NCOA3: variants seen among roughly 807,000 people sequenced by gnomAD.
The protein encoded by NCOA3 is nuclear receptor coactivator 3.
Under a neutral mutation model 158.8 loss-of-function variants are expected in NCOA3, and 51 were observed. The observed-to-expected ratio is 0.32, with a 90% CI of 0.26 to 0.41. The LOEUF is 0.41. NCOA3 is among the 10% of genes least tolerant of loss of function. The pLI, the probability that NCOA3 is intolerant of heterozygous loss-of-function variation, is 1.00. For missense variants in NCOA3, 1,510 were observed against 1,746.6 expected (o/e 0.86, Z 2.41); for synonymous variants, 537 against 592.4 (o/e 0.91, Z 1.36).
rs371717096 is a variant in NCOA3 at position 47,628,007 on chromosome 20, C to T, written c.807C>T (p.Thr269=). The change falls in exon 8 of 23, where the codon ACC becomes ACT. Residue 269 remains threonine, a synonymous_variant. Coordinates refer to ENST00000371998, the MANE Select transcript of NCOA3 (RefSeq NM_181659.3). ...CATCAAACCCTGAGAGCTTTATTAC[C>T]AGACATGATCTTTCAGGTAAAAACT... is the stretch of plus-strand genomic sequence containing the variant. The part of the protein sequence containing the change: ...TFPSNPESFI[T]RHDLSGKVVN... The T allele has an allele frequency of 3.1e-6, 5 of 1,612,862 alleles. No homozygotes were observed. In the African/African-American group the frequency reaches 6.7e-5, roughly 22 times the overall value.
At chr20:47,598,740 G>C (rs1271028430) in intron 2 of NCOA3, among the ~76,000 whole-genome samples, 2 of 152,200 alleles carry the variant, frequency 1.3e-5, no homozygotes, top group African/African-American at 4.8e-5. Flanking sequence ...CATAGTAGCA[G>C]AACAACAACT....
intron 1 of NCOA3, among the ~76,000 whole-genome samples, chr20:47,526,497 G>A (rs370357563): frequency 2.6e-5 from 4 of 152,340 alleles, no homozygotes; most frequent in East Asian, 1.9e-4. Context: ...ACGAGACTCC[G>A]TCTGCAATCC....
intron 1 of NCOA3, among the ~76,000 whole-genome samples, chr20:47,572,257 T>C (rs960610239): frequency 4.6e-5 from 7 of 152,194 alleles, no homozygotes; most frequent in African/African-American, 1.4e-4. Context: ...CCTGTGTTTA[T>C]TGGAGTAGCA....
intron 1 of NCOA3, among the ~76,000 whole-genome samples, chr20:47,534,829 C>T (rs974224100): frequency 7.2e-5 from 11 of 151,864 alleles, no homozygotes; most frequent in East Asian, 1.9e-4. Flanking sequence ...GTGGGAGGAT[C>T]GGTTGAGCCT....
At position 47,625,439 on chromosome 20, in the gene NCOA3, G is replaced by A. The variant is rs2086306518; in HGVS notation, c.315G>A (p.Gln105=). The A allele has an allele frequency of 6.2e-7, 1 of 1,613,596 alleles. No homozygotes were observed. Among genetic ancestry groups the A allele is most frequent in the Admixed American group, 1.7e-5 (1 of 59,972 alleles). ...VQKADVSSTG[Q]GVIDKDSLGP... ...AAGCCGATGTATCTTCTACAGGGCA[G>A]GGAGTTATTGATAAAGACTCCTTAG... Residue 105 remains glutamine, a synonymous_variant, in exon 5 of 23, where the codon CAG becomes CAA. Transcript: ENST00000371998.
intron 1 of NCOA3, among the ~76,000 whole-genome samples, chr20:47,517,069 T>C (rs2084245376): frequency 6.6e-6 from 1 of 152,012 alleles, no homozygotes; most frequent in South Asian, 2.1e-4. Flanking sequence ...AATACAAAAA[T>C]TAGCCAGTCG....
intron 17 of NCOA3, among the ~76,000 whole-genome samples, chr20:47,646,363 T>A (rs926251623): frequency 6.6e-6 from 1 of 152,220 alleles, no homozygotes; most frequent in African/African-American, 2.4e-5. Flanking sequence ...GAACCATGGA[T>A]ATGGAGGGCC....
At chr20:47,571,810 C>T (rs967139753) in intron 1 of NCOA3, among the ~76,000 whole-genome samples, 13 of 152,122 alleles carry the variant, frequency 8.5e-5, no homozygotes, top group Non-Finnish European at 1.5e-4. Context: ...TTAATGCAAC[C>T]TCTGCCTCCA....
At chr20:47,552,098 A>ATACT (rs2084935448) in intron 1 of NCOA3, among the ~76,000 whole-genome samples, 1 of 152,300 alleles carries the variant, frequency 6.6e-6, no homozygotes, top group East Asian at 1.9e-4. Context: ...ATAGCCCTGA[A>ATACT]TACTTGGATT....
intron 17 of NCOA3, among the ~76,000 whole-genome samples, chr20:47,644,005 AC>A (rs1400634542): frequency 2.0e-5 from 3 of 151,576 alleles, no homozygotes; most frequent in East Asian, 3.9e-4. Context: ...TCTGCTGTGT[AC>A]TAGATACACT....
At chr20:47,653,205 A>G in intron 22 of NCOA3, 133 bp downstream of exon 22, 1 of 1,282,858 alleles carries the variant, frequency 7.8e-7, no homozygotes, top group Admixed American at 2.7e-5. Flanking sequence ...AGTAATTGAA[A>G]AAACTTGGTT....
chr20:47,620,430 G>A (rs995302197), intron 2 of NCOA3, among the ~76,000 whole-genome samples: 4 of 152,116 alleles, frequency 2.6e-5, no homozygotes, highest in African/African-American at 9.7e-5. Flanking sequence ...AATCAAAACC[G>A]AACATACCTT....
At chr20:47,524,061 T>C (rs1031378877) in intron 1 of NCOA3, among the ~76,000 whole-genome samples, 2 of 152,242 alleles carry the variant, frequency 1.3e-5, no homozygotes, top group Non-Finnish European at 2.9e-5. Flanking sequence ...AGGAACCGAA[T>C]GGTCATTTTC....
chr20:47,623,793 G>GGAA, intron 3 of NCOA3, 118 bp from the exon 4 acceptor site: 22 of 802,952 alleles, frequency 2.7e-5, no homozygotes, highest in Non-Finnish European at 2.9e-5. Flanking sequence ...CTGTCTCGAG[G>GGAA]AAAAAAAAAA....
chr20:47,642,068 C>T, intron 16 of NCOA3, 145 bp from the exon 17 acceptor site: 1 of 650,422 alleles, frequency 1.5e-6, no homozygotes, highest in Non-Finnish European at 2.5e-6. Flanking sequence ...TGATGCCATT[C>T]ACTCTTTTTT....
intron 2 of NCOA3, among the ~76,000 whole-genome samples, chr20:47,620,135 CAG>C (rs2086213213): frequency 6.6e-6 from 1 of 151,780 alleles, no homozygotes; most frequent in Non-Finnish European, 1.5e-5. Context: ...TTTTAAGAGA[CAG>C]AGTCTCACTC....
rs3830810 is a variant in NCOA3, at chr20:47,651,070, TGCAGCA to T, written c.3756_3761del (p.Gln1275_Gln1276del). On this transcript the variant is annotated inframe_deletion, in exon 20 of 23. Coordinates refer to ENST00000371998, the MANE Select transcript of NCOA3 (RefSeq NM_181659.3). ...CGACAACAGAGGGTGGCTATGATGATGCAGCAGCAGCAGCAGCAGCAACAGCAGCAG... is the reference window on the plus strand; with the variant it reads ...CGACAACAGAGGGTGGCTATGATGATGCAGCAGCAGCAGCAACAGCAGCAG... The T allele has an allele frequency of 3.8e-5, 61 of 1,605,556 alleles. No individual in the cohort carries two copies. In the Middle Eastern group the frequency reaches 5.0e-4, roughly 13 times the overall value.
chr20:47,596,866 A>C (rs2146251903), intron 2 of NCOA3, among the ~76,000 whole-genome samples: 1 of 152,330 alleles, frequency 6.6e-6, no homozygotes, highest in Admixed American at 6.5e-5. Flanking sequence ...CTGGGATTAC[A>C]GGTGTGAGGC....
intron 2 of NCOA3, among the ~76,000 whole-genome samples, chr20:47,615,479 C>T (rs954791182): frequency 2.0e-5 from 3 of 152,234 alleles, no homozygotes; most frequent in African/African-American, 7.2e-5. Flanking sequence ...CAAACTTTTT[C>T]CCTCCTGTCT....
Sources: gnomAD v4.1 joint callset for allele counts (sites outside exome capture counted in the v4.1 genomes callset) on GRCh38, gnomAD v4.1.1 for gene constraint, MANE v1.5 for transcripts, NCBI Gene and HGNC (gene_info 2026-07-23, HGNC 2026-07-21) for gene names.